The following PLA2G4B variants were observed in gnomAD, a reference collection of about 807,000 sequenced individuals.
PLA2G4B encodes the protein cytosolic phospholipase A2 beta.
A neutral mutation model predicts 95.8 loss-of-function variants in PLA2G4B; 122 were observed. The ratio of observed to expected loss-of-function variants is 1.27; its 90% CI spans 1.10 to 1.48. The LOEUF (loss-of-function observed/expected upper bound fraction) is 1.48. Among genes scored for constraint, PLA2G4B ranks in the 40% most tolerant of loss-of-function variants. The pLI is 0.00. For missense variants in PLA2G4B, 1,158 were observed against 996.2 expected (o/e 1.16, Z -2.19); for synonymous variants, 518 against 421.5 (o/e 1.23, Z -2.80).
Position 41,846,835 on chromosome 15 carries a change from G to C in PLA2G4B, c.1947G>C (p.Gln649His). ...ACTACAACCTCCACGGAGCCTTCCA[G>C]GTTGGGAAGGGTGGGCAGCCCACCA... ...SLDYNLHGAF[Q>H]QLQLLGRFCQ... The change falls in exon 18 of 20, where the codon CAG becomes CAC. Residue 649 changes from glutamine to histidine, a missense_variant and splice_region_variant. Coordinates refer to ENST00000458483, the MANE Select transcript of PLA2G4B (RefSeq NM_001114633.2). 1 of 1,605,732 alleles carries C rather than the reference G, an allele frequency of 6.2e-7. No homozygotes were observed. The highest frequency in any genetic ancestry group is 8.5e-7 in the Non-Finnish European group (1 of 1,173,680).
chr15:41,844,763 A>T, intron 12 of PLA2G4B, 85 bp from the exon 13 acceptor site: 1 of 1,537,594 alleles, frequency 6.5e-7, no homozygotes, highest in Non-Finnish European at 8.8e-7. Flanking sequence ...CTGCCAGGCC[A>T]TTGTCCTAGA....
Position 41,844,510 on chromosome 15 carries a change from C to A in PLA2G4B, c.919C>A (p.Arg307=), listed in dbSNP as rs150167204. 6.2e-7 allele frequency: 1 copy of A among 1,614,138 alleles called. No homozygotes were observed. Among genetic ancestry groups the A allele is most frequent in the South Asian group, 1.1e-5 (1 of 91,080 alleles). The change falls in exon 12 of 20, where the codon CGG becomes AGG. Residue 307 remains arginine (R), a synonymous_variant. Transcript: ENST00000458483. ...TATTATGGCCACTGGTGGTGGGATC[C>A]GGGCAATGACTTCCCTGTATGGGCA... ...VAIMATGGGI[R]AMTSLYGQLA...
chr15:41,846,580 G>A, intron 17 of PLA2G4B, 89 bp from the exon 18 acceptor site: 2 of 1,530,742 alleles, frequency 1.3e-6, no homozygotes, highest in Non-Finnish European at 8.8e-7. Context: ...CAGCAGGAGA[G>A]CAGGGACCAG....
intron 11 of PLA2G4B, 66 bp downstream of exon 11, chr15:41,843,877 C>G: frequency 1.3e-6 from 2 of 1,575,740 alleles, no homozygotes; most frequent in South Asian, 2.3e-5. Context: ...GTGCTGAACA[C>G]TGGAGCTGCT....
At position 41,844,916 on chromosome 15, in the gene PLA2G4B, T is replaced by C. The variant is rs2065506302; in HGVS notation, c.1085T>C (p.Leu362Pro). 1 of 1,612,386 alleles carries C rather than the reference T, an allele frequency of 6.2e-7. No homozygotes were observed. Among genetic ancestry groups the C allele is most frequent in the Non-Finnish European group, 8.5e-7 (1 of 1,179,440 alleles). Residue 362 changes from leucine (L) to proline (P), a missense_variant, in exon 13 of 20, where the codon CTG becomes CCG. Transcript: ENST00000458483. ...QKDLAGPTEL[L>P]KTQVTKNKLG... ...GACCTGGCAGGGCCCACTGAGTTGCTGAAGACCCAGGTGACCAAGAACAAG... is the reference window on the plus strand; with the variant it reads ...GACCTGGCAGGGCCCACTGAGTTGCCGAAGACCCAGGTGACCAAGAACAAG...
rs745654919 is a variant in PLA2G4B, at chr15:41,840,818, A to G, written c.264A>G (p.Gly88=). The G allele has an allele frequency of 5.0e-6, 8 of 1,614,018 alleles. No individual in the cohort carries two copies. Among genetic ancestry groups the G allele is most frequent in the Non-Finnish European group, 5.9e-6 (7 of 1,179,970 alleles). The change falls in exon 4 of 20, where the codon GGA becomes GGG. Residue 88 remains glycine (G), a synonymous_variant. Transcript: ENST00000458483. ...LKVFDQDLVT[G]DDPVLSVLFD... ...TCTTTGACCAGGACCTGGTGACCGG[A>G]GATGACCCTGTGTTGTCAGTACTGT...
chr15:41,840,971 C>A (rs995685446), intron 4 of PLA2G4B, 66 bp downstream of exon 4: 164 of 1,586,166 alleles, frequency 1.0e-4, no homozygotes, highest in Middle Eastern at 1.7e-4. Flanking sequence ...CGCACACATG[C>A]ACACACACGC....
chr15:41,847,443 C>G lies in PLA2G4B; in HGVS notation c.2054C>G (p.Ser685Cys). The G allele has an allele frequency of 1.9e-6, 3 of 1,613,508 alleles. No homozygotes were observed. The highest frequency in any genetic ancestry group is 2.5e-6 in the Non-Finnish European group (3 of 1,179,840). ...CAGCCTCGGGAGTGCCACACCTTCTCCGACCCCACCTGCCCCGGAGCCCCT... is the reference window on the plus strand; with the variant it reads ...CAGCCTCGGGAGTGCCACACCTTCTGCGACCCCACCTGCCCCGGAGCCCCT... Reference protein sequence around the residue: ...QLQPRECHTFSDPTCPGAPAV... With the variant: ...QLQPRECHTFCDPTCPGAPAV... The change falls in exon 19 of 20, where the codon TCC becomes TGC. Residue 685 changes from serine (S) to cysteine (C), a missense_variant. Coordinates refer to ENST00000458483, the MANE Select transcript of PLA2G4B (RefSeq NM_001114633.2).
Position 41,846,065 on chromosome 15 carries a change from T to C in PLA2G4B, c.1600+18T>C. On this transcript the variant is annotated intron_variant, in intron 16 of 19. Transcript: ENST00000458483. ...CAACCTGGGTAAGTGCTCCGGGCCCTTCATAAGGGTGCCAAGGGGCAGCCA... is the reference window on the plus strand; with the variant it reads ...CAACCTGGGTAAGTGCTCCGGGCCCCTCATAAGGGTGCCAAGGGGCAGCCA... 6.4e-7 allele frequency: 1 copy of C among 1,570,316 alleles called. No homozygotes were observed. Among genetic ancestry groups the C allele is most frequent in the South Asian group, 1.2e-5 (1 of 85,636 alleles).
chr15:41,844,674 G>C (rs1356522598), intron 12 of PLA2G4B, 67 bp downstream of exon 12: 10 of 1,609,320 alleles, frequency 6.2e-6, no homozygotes, highest in Non-Finnish European at 7.6e-6. Flanking sequence ...GGTTCTCCTA[G>C]GCCTCTGAGA....
chr15:41,842,307 G>A (rs1435144791), intron 9 of PLA2G4B, 31 bp downstream of exon 9: 9 of 1,612,840 alleles, frequency 5.6e-6, no homozygotes, highest in Admixed American at 3.3e-5. Flanking sequence ...GAAGCAAGGC[G>A]CCTGGATGGG....
chr15:41,844,474 C>G lies in PLA2G4B; in HGVS notation c.883C>G (p.Pro295Ala), dbSNP rs1485799662. 1 of 1,614,162 alleles carries G rather than the reference C, an allele frequency of 6.2e-7. No homozygotes were observed. ...LDGDLQEDEI[P>A]VVAIMATGGG... ...GCCTGGCTCTCTTCTTTTCCAGATC[C>G]CAGTGGTAGCTATTATGGCCACTGG... The change falls in exon 12 of 20, where the codon CCA (proline) becomes GCA (alanine). Residue 295 changes from proline to alanine, a missense_variant. By Grantham distance (27) the Pro-to-Ala change is conservative. Transcript: ENST00000458483.
Position 41,840,184 on chromosome 15 carries a change from C to A in PLA2G4B, c.36C>A (p.Leu12=). The A allele has an allele frequency of 6.2e-7, 1 of 1,613,326 alleles. No homozygotes were observed. Among genetic ancestry groups the A allele is most frequent in the Non-Finnish European group, 8.5e-7 (1 of 1,179,992 alleles). ...AVAEVSRTCL[L]TVRVLQAHRL... is the part of the protein sequence containing the mutation. ...CAGAGGTGTCCAGGACCTGCCTGCT[C>A]ACGGTTCGTGTCCTGCAGGCCCATC... Residue 12 remains leucine (L), a synonymous_variant, in exon 2 of 20, where the codon CTC becomes CTA. Coordinates refer to ENST00000458483, the MANE Select transcript of PLA2G4B (RefSeq NM_001114633.2).
rs774519385 is a variant in PLA2G4B at position 41,847,344 on chromosome 15, A to G, written c.1955A>G (p.Gln652Arg). The G allele has an allele frequency of 3.1e-6, 5 of 1,599,582 alleles. No homozygotes were observed. The highest frequency in any genetic ancestry group is 2.7e-5 in the African/African-American group (2 of 74,658). ...CTTCTGCCTGCCCTGCAGCAGTTGC[A>G]GCTCCTGGGCCGGTTCTGCCAGGAG... ...YNLHGAFQQL[Q>R]LLGRFCQEQG... The change falls in exon 19 of 20, where the codon CAG becomes CGG. Residue 652 changes from glutamine to arginine, a missense_variant. Transcript: ENST00000458483.
chr15:41,840,421 C>T (rs1464996214), intron 2 of PLA2G4B, 103 bp from the exon 3 acceptor site: 2 of 1,599,884 alleles, frequency 1.3e-6, no homozygotes, highest in Admixed American at 1.7e-5. Context: ...TTCCCCTCCC[C>T]CTCAGTCTTA....
rs34023763 is a variant in PLA2G4B, at chr15:41,841,206, AG to A, written c.393-20del. ...GGGGTGGGAACCTGGACTCCTGCTA[AG>A]GGGGCTCTGGGGGCTCTTTCCAGGG... On this transcript the variant is annotated intron_variant, in intron 5 of 19. Coordinates refer to ENST00000458483, the MANE Select transcript of PLA2G4B (RefSeq NM_001114633.2). 1.9e-6 allele frequency: 3 copies of A among 1,613,872 alleles called. No homozygotes were observed. In the Admixed American group the frequency reaches 5.0e-5, roughly 27 times the overall value.
chr15:41,847,069 T>C (rs2065571275), intron 18 of PLA2G4B, among the ~76,000 whole-genome samples: 1 of 151,980 alleles, frequency 6.6e-6, no homozygotes, highest in Non-Finnish European at 1.5e-5. Flanking sequence ...GGTGTGGTCC[T>C]GGGCCTCTGG....
Position 41,845,785 on chromosome 15 carries a change from A to C in PLA2G4B, c.1495+10A>C, listed in dbSNP as rs780311413. Reference sequence around the variant, plus strand: ...ATCTGCTTCTTAGAAGGTGAGGGGCACTGGCAGGCTGGGGAAGCTGGGCCG... The same window carrying C: ...ATCTGCTTCTTAGAAGGTGAGGGGCCCTGGCAGGCTGGGGAAGCTGGGCCG... On this transcript the variant is annotated intron_variant, in intron 15 of 19. Coordinates refer to ENST00000458483, the MANE Select transcript of PLA2G4B (RefSeq NM_001114633.2). 2 of 1,585,758 alleles carry C rather than the reference A, an allele frequency of 1.3e-6. No individual in the cohort carries two copies. The highest frequency in any genetic ancestry group is 2.3e-5 in the South Asian group (2 of 87,026).
rs751856768 is a variant in PLA2G4B, at chr15:41,845,910, G to T, written c.1496-33G>T. 13 of 1,514,640 alleles carry T rather than the reference G, an allele frequency of 8.6e-6. No individual in the cohort carries two copies. The African/African-American group carries it at 1.5e-4, about 18-fold the overall frequency. The allele number at this position is 1,514,640 out of a possible 1,614,324, so 93.8% of individuals were successfully genotyped here. A position where few individuals can be genotyped will look rare whatever the true frequency, so the allele number is the denominator to read the frequency against. ...GAAGGGTAGGATTGGGACAAGAGTC[G>T]GGGGCCCTCTTCCCTCACGGCCGCT... On this transcript the variant is annotated intron_variant, in intron 15 of 19. Coordinates refer to ENST00000458483, the MANE Select transcript of PLA2G4B (RefSeq NM_001114633.2).
Sources: gnomAD v4.1 joint callset for allele counts (sites outside exome capture counted in the v4.1 genomes callset) on GRCh38, gnomAD v4.1.1 for gene constraint, MANE v1.5 for transcripts, NCBI Gene and HGNC (gene_info 2026-07-23, HGNC 2026-07-21) for gene names.